The following TMEM26 variants were observed in gnomAD, a reference collection of about 807,000 sequenced individuals.
TMEM26 encodes transmembrane protein 26.
In TMEM26, 38 loss-of-function variants were observed where a neutral mutation model predicts 28.8. The observed-to-expected ratio is 1.32, with a 90% CI of 1.02 to 1.73. The LOEUF is 1.73. Ranked by LOEUF, TMEM26 falls within the 40% of genes most tolerant of loss-of-function variation. TMEM26 has a pLI of 0.00. For synonymous variants in TMEM26, 227 were observed against 182.9 expected (o/e 1.24, Z -1.95); for missense variants, 518 against 447.1 (o/e 1.16, Z -1.43).
rs1205719854 is a variant in TMEM26 at position 61,408,091 on chromosome 10, A to G, written c.*2231T>C. On this transcript the variant is annotated 3_prime_UTR_variant, in exon 6 of 6. Coordinates refer to ENST00000399298, the MANE Select transcript of TMEM26 (RefSeq NM_178505.8). ...AATGCATATTTTTTTTTCCTATTATAAAAGCAGCCAGTATAAGAGAGTAGG... is the reference window on the plus strand; with the variant it reads ...AATGCATATTTTTTTTTCCTATTATGAAAGCAGCCAGTATAAGAGAGTAGG... 2 of 152,166 alleles carry G rather than the reference A, an allele frequency of 1.3e-5. No individual in the cohort carries two copies. Among genetic ancestry groups the G allele is most frequent in the Non-Finnish European group, 2.9e-5 (2 of 68,026 alleles). The allele number at this position is 152,166 out of a possible 1,614,324, so 9.4% of individuals were successfully genotyped here. A position where few individuals can be genotyped will look rare whatever the true frequency, so the allele number is the denominator to read the frequency against.
At chr10:61,448,206 C>T (rs1201508788) in intron 1 of TMEM26, among the ~76,000 whole-genome samples, 3 of 152,252 alleles carry the variant, frequency 2.0e-5, no homozygotes, top group East Asian at 1.9e-4. Context: ...CACCTCTCTC[C>T]GGATGCAGCT....
intron 5 of TMEM26, chr10:61,412,898 G>C (rs200674088): frequency 7.8e-7 from 1 of 1,281,452 alleles, no homozygotes; most frequent in East Asian, 5.6e-5. Flanking sequence ...AAATCTTAGG[G>C]GTTTATGTTT....
intron 1 of TMEM26, among the ~76,000 whole-genome samples, chr10:61,446,553 G>C (rs1840183710): frequency 6.6e-6 from 1 of 151,994 alleles, no homozygotes; most frequent in South Asian, 2.1e-4. Flanking sequence ...AGGCGCGATG[G>C]CTCACGCCTG....
At chr10:61,414,906 T>C (rs1484481277) in intron 4 of TMEM26, 1 of 871,750 alleles carries the variant, frequency 1.1e-6, no homozygotes, top group African/African-American at 1.8e-5. Context: ...AGTGTCCTCA[T>C]TAACAAAATT....
At chr10:61,417,918 A>G (rs571006848) in intron 4 of TMEM26, among the ~76,000 whole-genome samples, 2 of 152,142 alleles carry the variant, frequency 1.3e-5, no homozygotes, top group African/African-American at 2.4e-5. Flanking sequence ...AAAATTGTCA[A>G]AAACAACGAT....
intron 2 of TMEM26, among the ~76,000 whole-genome samples, chr10:61,432,338 G>T (rs992963471): frequency 5.3e-5 from 8 of 152,010 alleles, no homozygotes; most frequent in African/African-American, 1.7e-4. Context: ...ATGAAAAATG[G>T]CATTTTTCCT....
At chr10:61,447,835 C>T (rs1840210491) in intron 1 of TMEM26, among the ~76,000 whole-genome samples, 1 of 152,194 alleles carries the variant, frequency 6.6e-6, no homozygotes, top group South Asian at 2.1e-4. Flanking sequence ...TCCAGTGGCA[C>T]CTTCCCCTGC....
chr10:61,452,232 C>G (rs948848247), intron 1 of TMEM26, among the ~76,000 whole-genome samples: 2 of 152,240 alleles, frequency 1.3e-5, no homozygotes, highest in Admixed American at 6.5e-5. Flanking sequence ...TGAACCACTA[C>G]CTGCTGGTCC....
chr10:61,443,296 CAAAAAA>C (rs536125967), intron 1 of TMEM26, among the ~76,000 whole-genome samples: 1 of 117,240 alleles, frequency 8.5e-6, no homozygotes, highest in African/African-American at 3.0e-5. Flanking sequence ...CTAAAAATAC[CAAAAAA>C]AAAAAAAAAA....
chr10:61,444,308 T>C (rs1840142643), intron 1 of TMEM26, among the ~76,000 whole-genome samples: 1 of 152,190 alleles, frequency 6.6e-6, no homozygotes, highest in South Asian at 2.1e-4. Flanking sequence ...TGAACTTATA[T>C]TGCTGCCGAC....
rs370117483 is a variant in TMEM26, at chr10:61,436,273, A to T, written c.192-25T>A. On this transcript the variant is annotated intron_variant, in intron 1 of 5. Coordinates refer to ENST00000399298, the MANE Select transcript of TMEM26 (RefSeq NM_178505.8). ...CCTGTGAAAAGAGAGAAGAAAAAAT[A>T]GTTTAGCTAATTTAAGCTAATTTTC... 1.2e-5 allele frequency: 18 copies of T among 1,475,184 alleles called. No individual in the cohort carries two copies. The African/African-American group carries it at 2.6e-4, about 21-fold the overall frequency. The allele number at this position is 1,475,184 out of a possible 1,614,324, so 91.4% of individuals were successfully genotyped here. A position where few individuals can be genotyped will look rare whatever the true frequency, so the allele number is the denominator to read the frequency against.
chr10:61,450,871 T>C (rs954817154), intron 1 of TMEM26, among the ~76,000 whole-genome samples: 4 of 152,178 alleles, frequency 2.6e-5, no homozygotes, highest in Non-Finnish European at 5.9e-5. Context: ...GTTGATACAA[T>C]AATATTTTTA....
chr10:61,435,027 A>G (rs1162113063), intron 2 of TMEM26, among the ~76,000 whole-genome samples: 1 of 152,204 alleles, frequency 6.6e-6, no homozygotes, highest in South Asian at 2.1e-4. Flanking sequence ...TCAAAGCTGG[A>G]ATCAGATGGA....
At chr10:61,419,960 A>G (rs2135295495) in intron 4 of TMEM26, among the ~76,000 whole-genome samples, 1 of 152,258 alleles carries the variant, frequency 6.6e-6, no homozygotes, top group African/African-American at 2.4e-5. Context: ...GTAACAACAA[A>G]TAAGTACAGT....
chr10:61,416,029 G>C (rs1245282513), intron 4 of TMEM26: 1 of 438,842 alleles, frequency 2.3e-6, no homozygotes, highest in African/African-American at 2.0e-5. Context: ...CATCACAATA[G>C]AGGAAAGTAG....
chr10:61,444,879 G>C (rs578160673), intron 1 of TMEM26, among the ~76,000 whole-genome samples: 2 of 151,986 alleles, frequency 1.3e-5, no homozygotes, highest in Non-Finnish European at 2.9e-5. Flanking sequence ...GCAAGCAGAG[G>C]CATAAAGGCA....
intron 3 of TMEM26, among the ~76,000 whole-genome samples, chr10:61,430,571 C>CAAAAAAAAAAAA (rs34623859): frequency 1.0e-5 from 1 of 96,402 alleles, no homozygotes; most frequent in Admixed American, 1.1e-4. Context: ...AAAGAACTGA[C>CAAAAAAAAAAAA]AAAAAAAAAA....
At position 61,444,552 on chromosome 10, in the gene TMEM26, C is replaced by T. The variant is rs556666053; in HGVS notation, c.192-8304G>A. Among the ~76,000 whole-genome samples the T allele has an allele frequency of 3.3e-5, 5 of 151,428 alleles. No individual in the cohort carries two copies. The South Asian group carries it at 8.3e-4, about 25-fold the overall frequency. On this transcript the variant is annotated intron_variant, in intron 1 of 5. Coordinates refer to ENST00000399298, the MANE Select transcript of TMEM26 (RefSeq NM_178505.8). ...TGCTTGTGCAAGAGTGTATCTGAGC[C>T]AGACACTCTTGTATGTAGTGTGGAC... is the stretch of plus-strand genomic sequence containing the variant.
intron 4 of TMEM26, among the ~76,000 whole-genome samples, chr10:61,418,560 A>T (rs944788861): frequency 6.6e-6 from 1 of 152,118 alleles, no homozygotes; most frequent in Non-Finnish European, 1.5e-5. Flanking sequence ...AGTTGATTCA[A>T]GTTTTGGGAA....
Sources: allele counts gnomAD v4.1 joint callset (sites outside exome capture counted in the v4.1 genomes callset), GRCh38; gene constraint gnomAD v4.1.1; transcripts MANE v1.5; gene names NCBI Gene and HGNC (gene_info 2026-07-23, HGNC 2026-07-21).